ZNF121: variants seen among roughly 807,000 people sequenced by gnomAD.
The protein encoded by ZNF121 is zinc finger protein 121.
ZNF121 carries 1 observed loss-of-function variant against 2.4 expected under a neutral mutation model. The observed-to-expected ratio is 0.41, with a 90% CI of 0.15 to 1.94. The LOEUF is 1.94. Ranked by LOEUF, ZNF121 falls within the 30% of genes most tolerant of loss-of-function variation. ZNF121 has a pLI of 0.30. For synonymous variants in ZNF121, 173 were observed against 158.6 expected, an observed-to-expected ratio of 1.09 and a Z score of -0.68; for missense variants, 369 against 466.3, an observed-to-expected ratio of 0.79 and a Z score of 1.92.
In ZNF121 at chr19:9,565,855, C is replaced by A; in HGVS notation, c.*85G>T. 6 of 1,102,458 alleles carry A rather than the reference C, an allele frequency of 5.4e-6. No individual in the cohort carries two copies. Among genetic ancestry groups the A allele is most frequent in the Non-Finnish European group, 7.6e-6 (6 of 789,908 alleles). The allele number at this position is 1,102,458 out of a possible 1,614,324, so 68.3% of individuals were successfully genotyped here. A position where few individuals can be genotyped will look rare whatever the true frequency, so the allele number is the denominator to read the frequency against. ...CACATTCTTTGTACCAATAAAATTT[C>A]TCTTCAGTGTGAATTCAAATGTGGT... On this transcript the variant is annotated 3_prime_UTR_variant, in exon 4 of 4. Coordinates refer to ENST00000320451, the MANE Select transcript of ZNF121 (RefSeq NM_001008727.5).
intron 1 of ZNF121, among the ~76,000 whole-genome samples, chr19:9,572,836 C>T (rs1184890012): frequency 2.0e-5 from 3 of 152,106 alleles, no homozygotes; most frequent in Non-Finnish European, 4.4e-5. Context: ...AGACCAGCAA[C>T]AAGATGAAAA....
Position 9,565,353 on chromosome 19 carries a change from CAAAAAAAAAAAAAAAAAAAAAAA to C in ZNF121, c.*564_*586del, listed in dbSNP as rs71185609. 6.7e-5 allele frequency: 2 copies of C among 29,816 alleles called. No individual in the cohort carries two copies. The highest frequency in any genetic ancestry group is 1.2e-3 in the Admixed American group (2 of 1,646). The allele number at this position is 29,816 out of a possible 1,614,324, so 1.8% of individuals were successfully genotyped here. A position where few individuals can be genotyped will look rare whatever the true frequency, so the allele number is the denominator to read the frequency against. ...AAGAATGTGTATTAACAACGACTTACAAAAAAAAAAAAAAAAAAAAAAAAAAAAAAAAAAGGCCAGGAGCAGTG... is the reference window on the plus strand; with the variant it reads ...AAGAATGTGTATTAACAACGACTTACAAAAAAAAAAAGGCCAGGAGCAGTG... On this transcript the variant is annotated 3_prime_UTR_variant, in exon 4 of 4. Coordinates refer to ENST00000320451, the MANE Select transcript of ZNF121 (RefSeq NM_001008727.5).
chr19:9,562,008 C>T lies in ZNF121; in HGVS notation c.*3932G>A, dbSNP rs896771724. 2.0e-5 allele frequency: 3 copies of T among 151,988 alleles called. No individual in the cohort carries two copies. Among genetic ancestry groups the T allele is most frequent in the Admixed American group, 1.3e-4 (2 of 15,244 alleles). 9.4% of individuals were successfully genotyped at this position (151,988 alleles called of 1,614,324 possible). Reference sequence around the variant, plus strand: ...TTCATCTCACTTTACAGATATTTTTCACAAGTAGAAGTCCTGTGGCAATGT... The same window carrying T: ...TTCATCTCACTTTACAGATATTTTTTACAAGTAGAAGTCCTGTGGCAATGT... On this transcript the variant is annotated 3_prime_UTR_variant, in exon 4 of 4. Coordinates refer to ENST00000320451, the MANE Select transcript of ZNF121 (RefSeq NM_001008727.5).
Position 9,565,936 on chromosome 19 carries a change from T to C in ZNF121, c.*4A>G. 1 of 1,533,626 alleles carries C rather than the reference T, an allele frequency of 6.5e-7. No individual in the cohort carries two copies. The highest frequency in any genetic ancestry group is 8.8e-7 in the Non-Finnish European group (1 of 1,138,374). On this transcript the variant is annotated 3_prime_UTR_variant, in exon 4 of 4. Coordinates refer to ENST00000320451, the MANE Select transcript of ZNF121 (RefSeq NM_001008727.5). ...TCCACATTCCTTACATTCAGAGTTTTTCTTCAGTGTGTTTTTAAATGTTTA... is the reference window on the plus strand; with the variant it reads ...TCCACATTCCTTACATTCAGAGTTTCTCTTCAGTGTGTTTTTAAATGTTTA...
intron 1 of ZNF121, among the ~76,000 whole-genome samples, chr19:9,574,179 T>C (rs4804449): frequency 0.38 from 58,070 of 151,798 alleles, 11,389 homozygotes; most frequent in East Asian, 0.55. Context: ...AGAGTCTCAT[T>C]CTGTCGCCCA....
chr19:9,566,258 T>G lies in ZNF121; in HGVS notation c.855A>C (p.Lys285Asn). The change falls in exon 4 of 4, where the codon AAA becomes AAC. Residue 285 changes from lysine to asparagine, a missense_variant. By Grantham distance (94) the Lys-to-Asn change is moderately conservative. Coordinates refer to ENST00000320451, the MANE Select transcript of ZNF121 (RefSeq NM_001008727.5). ...TGAATGCTTTCCCACACTCCTTACA[T>G]TTATAGGGTTTTATTCCAGTGTGAA... The part of the protein sequence containing the change: ...FRIHTGIKPY[K>N]CKECGKAFTV... 6.2e-7 allele frequency: 1 copy of G among 1,614,164 alleles called. No homozygotes were observed. The highest frequency in any genetic ancestry group is 1.1e-5 in the South Asian group (1 of 91,084).
At chr19:9,576,706 C>CAA (rs1409094921) in intron 1 of ZNF121, among the ~76,000 whole-genome samples, 8 of 151,594 alleles carry the variant, frequency 5.3e-5, no homozygotes, top group African/African-American at 1.9e-4. Context: ...AAAAGATAAA[C>CAA]AAAATCAACC....
At chr19:9,568,793 CA>C (rs1347930668) in intron 2 of ZNF121, among the ~76,000 whole-genome samples, 1 of 151,888 alleles carries the variant, frequency 6.6e-6, no homozygotes, top group Middle Eastern at 3.2e-3. Context: ...AAGTCATAAA[CA>C]AAAAGATAAA....
At chr19:9,572,246 A>G (rs763505588) in intron 1 of ZNF121, among the ~76,000 whole-genome samples, 4 of 152,224 alleles carry the variant, frequency 2.6e-5, no homozygotes, top group African/African-American at 4.8e-5. Context: ...GGGGCTACAA[A>G]GAAGTGAAAA....
At position 9,567,064 on chromosome 19, in the gene ZNF121, C is replaced by CA. The variant is rs1568498098; in HGVS notation, c.48dup (p.Gly17TrpfsTer6). ...CATGAGTGTTCACTGAAGATTTCTC[C>CA]ATTTTCCATAAAGTCACAGAGTTCC... On this transcript the variant is annotated frameshift_variant, in exon 4 of 4. Coordinates refer to ENST00000320451, the MANE Select transcript of ZNF121 (RefSeq NM_001008727.5). LOFTEE classifies it low-confidence loss of function (END_TRUNC). The CA allele has an allele frequency of 1.4e-5, 23 of 1,613,886 alleles. No homozygotes were observed. Among genetic ancestry groups the CA allele is most frequent in the Non-Finnish European group, 1.9e-5 (22 of 1,179,958 alleles).
chr19:9,575,757 A>G (rs778445782), intron 1 of ZNF121, among the ~76,000 whole-genome samples: 4 of 150,418 alleles, frequency 2.7e-5, no homozygotes, highest in Non-Finnish European at 4.4e-5. Flanking sequence ...ATAAAAAAAA[A>G]AGAAGGTCAC....
intron 1 of ZNF121, among the ~76,000 whole-genome samples, chr19:9,576,947 T>C (rs190151282): frequency 6.6e-6 from 1 of 152,206 alleles, no homozygotes; most frequent in Admixed American, 6.5e-5. Context: ...ATAACAAGAT[T>C]GAAGCCGTAA....
At chr19:9,583,352 G>A (rs553028242) in intron 1 of ZNF121, among the ~76,000 whole-genome samples, 5 of 151,104 alleles carry the variant, frequency 3.3e-5, no homozygotes, top group African/African-American at 1.2e-4. Flanking sequence ...TTGAGACGGA[G>A]TTTCGCTCTC....
chr19:9,567,273 C>A (rs67274908), intron 3 of ZNF121, among the ~76,000 whole-genome samples, 164 bp from the exon 4 acceptor site: 26,207 of 152,082 alleles, frequency 0.17, 3,590 homozygotes, highest in African/African-American at 0.38. Flanking sequence ...ATGAAGAAAA[C>A]CTACTGGCAA....
At chr19:9,581,115 T>C (rs1004128935) in intron 1 of ZNF121, among the ~76,000 whole-genome samples, 2 of 151,994 alleles carry the variant, frequency 1.3e-5, no homozygotes, top group Non-Finnish European at 2.9e-5. Context: ...AAATATCTGA[T>C]TGTATGACTT....
At position 9,568,196 on chromosome 19, in the gene ZNF121, A is replaced by G. The variant is rs2074147982; in HGVS notation, c.-78-21T>C. The G allele has an allele frequency of 2.3e-6, 3 of 1,289,632 alleles. No individual in the cohort carries two copies. The East Asian group carries it at 7.4e-5, about 32-fold the overall frequency. 79.9% of individuals were successfully genotyped at this position (1,289,632 alleles called of 1,614,324 possible). A position where few individuals can be genotyped will look rare whatever the true frequency, so the allele number is the denominator to read the frequency against. On this transcript the variant is annotated intron_variant, in intron 2 of 3. Transcript: ENST00000320451. ...CCATTCTGAAGTAAAACAGAAAAAA[A>G]GAAAAAAAAATAGGGTCTGAGAACA...
At position 9,565,587 on chromosome 19, in the gene ZNF121, A is replaced by C. The variant is rs1463583045; in HGVS notation, c.*353T>G. On this transcript the variant is annotated 3_prime_UTR_variant, in exon 4 of 4. Coordinates refer to ENST00000320451, the MANE Select transcript of ZNF121 (RefSeq NM_001008727.5). ...TGAAGGCTGAGGCAGAATCGCCTGAACCCAGGAGACAAAGGTTGCAGTGAG... is the reference window on the plus strand; with the variant it reads ...TGAAGGCTGAGGCAGAATCGCCTGACCCCAGGAGACAAAGGTTGCAGTGAG... 1 of 152,180 alleles carries C rather than the reference A, an allele frequency of 6.6e-6. No homozygotes were observed. The highest frequency in any genetic ancestry group is 1.5e-5 in the Non-Finnish European group (1 of 68,454). 9.4% of individuals were successfully genotyped at this position (152,180 alleles called of 1,614,324 possible).
intron 2 of ZNF121, 41 bp from the exon 3 acceptor site, chr19:9,568,216 A>T: frequency 2.1e-6 from 2 of 933,070 alleles, no homozygotes; most frequent in South Asian, 4.0e-5. Context: ...ATAGGGTCTG[A>T]GAACAAAACA....
rs2074106396 is a variant in ZNF121 at position 9,562,504 on chromosome 19, G to A, written c.*3436C>T. 1 of 196,268 alleles carries A rather than the reference G, an allele frequency of 5.1e-6. No homozygotes were observed. The highest frequency in any genetic ancestry group is 5.5e-5 in the South Asian group (1 of 18,124). 12.2% of individuals were successfully genotyped at this position (196,268 alleles called of 1,614,324 possible). A position where few individuals can be genotyped will look rare whatever the true frequency, so the allele number is the denominator to read the frequency against. On this transcript the variant is annotated 3_prime_UTR_variant, in exon 4 of 4. Transcript: ENST00000320451. ...ATGTTCCTATTTTAATTGTTTTGGG[G>A]TACCACAAACCACAACCTTCGAAGA...
Sources: allele counts gnomAD v4.1 joint callset (sites outside exome capture counted in the v4.1 genomes callset), GRCh38; gene constraint gnomAD v4.1.1; transcripts MANE v1.5; gene names NCBI Gene and HGNC (gene_info 2026-07-23, HGNC 2026-07-21).